KRCC1: variants seen among roughly 807,000 people sequenced by gnomAD.
The protein encoded by KRCC1 is lysine-rich coiled-coil protein 1.
In KRCC1, 3 loss-of-function variants were observed where a neutral mutation model predicts 7.4. The ratio of observed to expected loss-of-function variants is 0.40; its 90% CI spans 0.18 to 1.04. The LOEUF is 1.04. Among genes scored for constraint, KRCC1 ranks in the 50% least tolerant of loss-of-function variants. The probability of loss-of-function intolerance (pLI) is 0.33; values close to 1 mark genes in which losing one functional copy is unlikely to be tolerated. For synonymous variants in KRCC1, 102 were observed against 101.6 expected (o/e 1.00, Z -0.02); for missense variants, 277 against 300.9 (o/e 0.92, Z 0.59).
chr2:88,052,103 T>C (rs752252804), intron 1 of KRCC1, among the ~76,000 whole-genome samples: 6 of 152,276 alleles, frequency 3.9e-5, no homozygotes, highest in Non-Finnish European at 7.3e-5. Flanking sequence ...AATTGCAGGA[T>C]AGCTGCATGT....
intron 1 of KRCC1, among the ~76,000 whole-genome samples, chr2:88,050,867 A>G (rs1044935464): frequency 2.7e-4 from 41 of 150,522 alleles, no homozygotes; most frequent in African/African-American, 8.1e-4. Context: ...GATTTTTGTG[A>G]TTAATTTTTT....
intron 1 of KRCC1, among the ~76,000 whole-genome samples, chr2:88,054,232 CT>C (rs1673562033): frequency 6.6e-6 from 1 of 152,216 alleles, no homozygotes; most frequent in Non-Finnish European, 1.5e-5. Flanking sequence ...AACATGGCCT[CT>C]AGAAGCCTAA....
intron 1 of KRCC1, among the ~76,000 whole-genome samples, chr2:88,046,078 T>C (rs745758042): frequency 7.2e-5 from 11 of 152,208 alleles, no homozygotes; most frequent in Non-Finnish European, 1.6e-4. Flanking sequence ...TAAGAGATAA[T>C]TCTACCTTAA....
chr2:88,033,668 A>T (rs1188524950), intron 3 of KRCC1, among the ~76,000 whole-genome samples: 1 of 152,252 alleles, frequency 6.6e-6, no homozygotes, highest in Non-Finnish European at 1.5e-5. Context: ...TTTACTTTAC[A>T]TCTACTAGGA....
intron 3 of KRCC1, among the ~76,000 whole-genome samples, chr2:88,029,357 A>T (rs1672948234): frequency 6.6e-6 from 1 of 152,238 alleles, no homozygotes; most frequent in Non-Finnish European, 1.5e-5. Context: ...GATAAAATAA[A>T]CGTACTCACC....
chr2:88,050,163 T>C (rs999046970), intron 1 of KRCC1, among the ~76,000 whole-genome samples: 3 of 152,222 alleles, frequency 2.0e-5, no homozygotes, highest in Middle Eastern at 3.2e-3. Context: ...AGAAGGGTTA[T>C]TAGCTAGATT....
chr2:88,027,826 T>C lies in KRCC1; in HGVS notation c.738A>G (p.Thr246=). 2 of 1,604,312 alleles carry C rather than the reference T, an allele frequency of 1.2e-6. No individual in the cohort carries two copies. Among genetic ancestry groups the C allele is most frequent in the South Asian group, 2.3e-5 (2 of 88,194 alleles). ...ACTGGTCCCAAAGCATTTCCTCCTC[T>C]GTCCTTTCTTGGCCTTGTTCCTTTT... ...KKKKEQGQER[T]EEEMLWDQSI... Residue 246 remains threonine (T), a synonymous_variant, in exon 4 of 4, where the codon ACA becomes ACG. Transcript: ENST00000347055.
intron 1 of KRCC1, among the ~76,000 whole-genome samples, chr2:88,050,924 CTTTTTTT>C (rs60827041): frequency 2.4e-5 from 3 of 125,380 alleles, no homozygotes; most frequent in South Asian, 2.4e-4. Flanking sequence ...TCCTTACTTG[CTTTTTTT>C]TTTTTTTTTT....
intron 3 of KRCC1, 103 bp from the exon 4 acceptor site, chr2:88,028,688 C>CG (rs1320280178): frequency 1.5e-6 from 1 of 683,786 alleles, no homozygotes; most frequent in Non-Finnish European, 2.3e-6. Flanking sequence ...CTCGCCCTGT[C>CG]GCCCAGACTA....
intron 1 of KRCC1, among the ~76,000 whole-genome samples, chr2:88,054,358 T>G (rs1240125174): frequency 1.3e-5 from 2 of 152,190 alleles, no homozygotes; most frequent in East Asian, 3.8e-4. Context: ...GCTCCCTGAC[T>G]TCCCTTTTAA....
At chr2:88,037,554 G>A (rs1465790065) in intron 1 of KRCC1, among the ~76,000 whole-genome samples, 6 of 152,138 alleles carry the variant, frequency 3.9e-5, no homozygotes, top group African/African-American at 1.2e-4. Flanking sequence ...GAGTACAGGC[G>A]CATGTCACTG....
intron 1 of KRCC1, among the ~76,000 whole-genome samples, chr2:88,038,559 AG>A (rs1673140856): frequency 6.6e-6 from 1 of 152,228 alleles, no homozygotes; most frequent in African/African-American, 2.4e-5. Context: ...ACATGTCCAA[AG>A]GGGAAAACAT....
chr2:88,044,930 C>T (rs375627006), intron 1 of KRCC1, among the ~76,000 whole-genome samples: 5 of 133,876 alleles, frequency 3.7e-5, no homozygotes, highest in African/African-American at 1.4e-4. Context: ...ATGATCATAA[C>T]TTACTGCAGC....
intron 1 of KRCC1, 37 bp from the exon 2 acceptor site, chr2:88,037,088 T>C (rs533108093): frequency 6.6e-6 from 1 of 152,288 alleles, no homozygotes; most frequent in African/African-American, 2.4e-5. Context: ...AAGATTATAT[T>C]AAATAGTTAA....
Position 88,027,650 on chromosome 2 carries a change from C to T in KRCC1, c.*134G>A, listed in dbSNP as rs1389742591. ...TGTTGGAGAGCAAGCATGCTAAACA[C>T]TTTGTTTACTAGGCCTTTGTTAGAA... On this transcript the variant is annotated 3_prime_UTR_variant, in exon 4 of 4. Transcript: ENST00000347055. The T allele has an allele frequency of 4.3e-6, 3 of 696,348 alleles. No individual in the cohort carries two copies. The highest frequency in any genetic ancestry group is 7.0e-6 in the Non-Finnish European group (3 of 430,468). 43.1% of individuals were successfully genotyped at this position (696,348 alleles called of 1,614,324 possible).
intron 3 of KRCC1, among the ~76,000 whole-genome samples, chr2:88,032,632 C>T (rs1411929214): frequency 6.6e-6 from 1 of 151,732 alleles, no homozygotes; most frequent in Non-Finnish European, 1.5e-5. Context: ...TTGTGATAGC[C>T]CCAGAAAGAA....
At chr2:88,030,149 G>A (rs968617317) in intron 3 of KRCC1, among the ~76,000 whole-genome samples, 1 of 150,412 alleles carries the variant, frequency 6.6e-6, no homozygotes, top group Non-Finnish European at 1.5e-5. Flanking sequence ...TGTCCCACCT[G>A]CCCTATATAT....
intron 1 of KRCC1, among the ~76,000 whole-genome samples, chr2:88,052,003 G>A (rs1673500281): frequency 6.6e-6 from 1 of 152,210 alleles, no homozygotes; most frequent in South Asian, 2.1e-4. Flanking sequence ...ATGCCAAGTA[G>A]GTGCTGGTAG....
chr2:88,039,200 T>C (rs926894824), intron 1 of KRCC1, among the ~76,000 whole-genome samples: 17 of 152,200 alleles, frequency 1.1e-4, no homozygotes, highest in Non-Finnish European at 2.9e-5. Context: ...CATCTCTGTA[T>C]TAATTTTTGC....
Sources: allele counts gnomAD v4.1 joint callset (sites outside exome capture counted in the v4.1 genomes callset), GRCh38; gene constraint gnomAD v4.1.1; transcripts MANE v1.5; gene names NCBI Gene and HGNC (gene_info 2026-07-23, HGNC 2026-07-21).